Variants in PTPRD observed in about 807,000 individuals in gnomAD.
The protein encoded by PTPRD is protein tyrosine phosphatase receptor type D.
PTPRD carries 34 observed loss-of-function variants against 214.5 expected under a neutral mutation model. That is an observed-to-expected ratio of 0.16 (90% CI 0.12 to 0.21). The LOEUF (loss-of-function observed/expected upper bound fraction) is 0.21, where lower values mean the gene tolerates loss of function less well. PTPRD is among the 10% of genes least tolerant of loss of function. PTPRD has a pLI of 1.00. For synonymous variants in PTPRD, 1,128 were observed against 845.7 expected (o/e 1.33, Z -5.79); for missense variants, 2,545 against 2,398.7 (o/e 1.06, Z -1.27).
chr9:8,398,312 G>A (rs905443824), intron 36 of PTPRD, among the ~76,000 whole-genome samples: 1 of 152,108 alleles, frequency 6.6e-6, no homozygotes, highest in Non-Finnish European at 1.5e-5. Flanking sequence ...AGGAAAGCAA[G>A]GCTCAGCAAC....
At chr9:9,821,369 G>C (rs2050674679) in intron 5 of PTPRD, among the ~76,000 whole-genome samples, 1 of 152,134 alleles carries the variant, frequency 6.6e-6, no homozygotes, top group Admixed American at 6.5e-5. Context: ...TAGGGTGGAA[G>C]GGATTGTACA....
intron 21 of PTPRD, 55 bp downstream of exon 21, chr9:8,517,793 C>G (rs2097810876): frequency 6.8e-7 from 1 of 1,465,076 alleles, no homozygotes; most frequent in South Asian, 1.3e-5. Context: ...GTCCTTCTCA[C>G]CTCTTTGCAC....
intron 11 of PTPRD, among the ~76,000 whole-genome samples, chr9:8,978,727 G>A (rs183829378): frequency 6.6e-6 from 1 of 152,266 alleles, no homozygotes; most frequent in East Asian, 1.9e-4. Flanking sequence ...TTTGGAGGGA[G>A]AGACACAAGG....
At chr9:10,080,371 T>G (rs1032499692) in intron 3 of PTPRD, among the ~76,000 whole-genome samples, 10 of 152,134 alleles carry the variant, frequency 6.6e-5, no homozygotes, top group Non-Finnish European at 2.9e-5. Context: ...TAACACTGTA[T>G]GCAGAGTACA....
At position 8,602,771 on chromosome 9, in the gene PTPRD, T is replaced by C. The variant is rs116874443; in HGVS notation, c.352+30546A>G. ...ATGCAGTTACATAAATAAATGAATA[T>C]GGATGCATGTGCATATATATGCATT... On this transcript the variant is annotated intron_variant, in intron 14 of 45. Transcript: ENST00000381196. 2.2e-3 allele frequency among the ~76,000 whole-genome samples: 337 copies of C among 152,328 alleles called. 1 individual carries two copies. Among genetic ancestry groups the C allele is most frequent in the Non-Finnish European group, 4.3e-3 (292 of 68,030 alleles).
At chr9:9,341,974 A>AT (rs912271960) in intron 9 of PTPRD, among the ~76,000 whole-genome samples, 7 of 151,886 alleles carry the variant, frequency 4.6e-5, no homozygotes, top group African/African-American at 1.7e-4. Flanking sequence ...ATGCCCAGTT[A>AT]TTTTTTATAT....
At chr9:9,666,971 T>C (rs1334631633) in intron 7 of PTPRD, among the ~76,000 whole-genome samples, 1 of 152,060 alleles carries the variant, frequency 6.6e-6, no homozygotes, top group Non-Finnish European at 1.5e-5. Context: ...GTAACATTAT[T>C]AAAAATAGAC....
intron 3 of PTPRD, among the ~76,000 whole-genome samples, chr9:10,249,984 T>A (rs1055501534): frequency 8.5e-5 from 13 of 152,192 alleles, no homozygotes; most frequent in African/African-American, 3.1e-4. Context: ...GATTTTGATG[T>A]TAATGTACAA....
At position 9,912,321 on chromosome 9, in the gene PTPRD, A is replaced by G. The variant is rs78410992; in HGVS notation, c.-368+26186T>C. Reference sequence around the variant, plus strand: ...TTGGAATATACAAACTACAGCATACAAACTAAAACATTTGTCCAAAATTTA... The same window carrying G: ...TTGGAATATACAAACTACAGCATACGAACTAAAACATTTGTCCAAAATTTA... On this transcript the variant is annotated intron_variant, in intron 5 of 45. Coordinates refer to ENST00000381196, the MANE Select transcript of PTPRD (RefSeq NM_002839.4). Among the ~76,000 whole-genome samples the G allele has an allele frequency of 4.4e-3, 671 of 152,320 alleles. 22 individuals are homozygous for G. The highest frequency in any genetic ancestry group is 0.039 in the Admixed American group (591 of 15,300).
chr9:8,396,974 T>A (rs1390382962), intron 36 of PTPRD, among the ~76,000 whole-genome samples: 2 of 152,152 alleles, frequency 1.3e-5, no homozygotes, highest in Non-Finnish European at 2.9e-5. Context: ...ATGATTAAAC[T>A]TCATCACAGT....
Position 10,082,064 on chromosome 9 carries a change from G to A in PTPRD, c.-544-48274C>T, listed in dbSNP as rs182800757. ...ATATCAACAATAAATCTGTGTGTAG[G>A]TGACTTGGTTTGGAAGATGCAAATG... On this transcript the variant is annotated intron_variant, in intron 3 of 45. Transcript: ENST00000381196. 8.4e-4 allele frequency among the ~76,000 whole-genome samples: 128 copies of A among 152,092 alleles called. 1 individual carries two copies. The Middle Eastern group carries it at 0.02, about 24-fold the overall frequency.
At chr9:10,406,489 C>G (rs1056856261) in intron 2 of PTPRD, among the ~76,000 whole-genome samples, 3 of 151,490 alleles carry the variant, frequency 2.0e-5, no homozygotes, top group Non-Finnish European at 4.4e-5. Flanking sequence ...TGACAACATT[C>G]TGACTTTGGA....
At chr9:9,101,266 C>T (rs1308029638) in intron 10 of PTPRD, among the ~76,000 whole-genome samples, 1 of 151,892 alleles carries the variant, frequency 6.6e-6, no homozygotes, top group Non-Finnish European at 1.5e-5. Flanking sequence ...TTAATAGATG[C>T]TTAGGGATTC....
At chr9:8,719,286 T>G (rs73427580) in intron 12 of PTPRD, among the ~76,000 whole-genome samples, 5,206 of 152,298 alleles carry the variant, frequency 0.034, 268 homozygotes, top group African/African-American at 0.11. Flanking sequence ...AGCAATAACA[T>G]GCAAAGCTTT....
chr9:10,565,631 A>C (rs1301720857), intron 2 of PTPRD, among the ~76,000 whole-genome samples: 1 of 152,118 alleles, frequency 6.6e-6, no homozygotes, highest in Non-Finnish European at 1.5e-5. Flanking sequence ...AATGTATAAC[A>C]ACATCAGCAG....
At chr9:8,355,410 G>T (rs181546422) in intron 39 of PTPRD, among the ~76,000 whole-genome samples, 5 of 130,134 alleles carry the variant, frequency 3.8e-5, no homozygotes, top group African/African-American at 1.3e-4. Flanking sequence ...ATCTCTTTTA[G>T]AATATTTTGG....
chr9:8,840,229 C>T (rs891884739), intron 11 of PTPRD, among the ~76,000 whole-genome samples: 6 of 152,148 alleles, frequency 3.9e-5, no homozygotes, highest in African/African-American at 1.4e-4. Context: ...ATCTTGAATT[C>T]CACGTGTTGT....
chr9:8,471,047 C>T lies in PTPRD; in HGVS notation c.3452G>A (p.Arg1151His), dbSNP rs201751722. The change falls in exon 31 of 46, where the codon CGC (arginine) becomes CAC (histidine). Residue 1151 changes from arginine to histidine, a missense_variant. Physicochemically the swap from Arg to His is conservative, Grantham distance 29. Coordinates refer to ENST00000381196, the MANE Select transcript of PTPRD (RefSeq NM_002839.4). ...CTCCCATGGCTTGATAAATTTCCCG[C>T]GAGATTTCTTCAAAGGCACAATTAT... is the stretch of plus-strand genomic sequence containing the variant. ...YIIIVPLKKSRGKFIKPWESP... is the reference protein window; with the variant it reads ...YIIIVPLKKSHGKFIKPWESP... 8.4e-5 allele frequency: 135 copies of T among 1,613,366 alleles called. 1 individual carries two copies. The East Asian group carries it at 1.3e-3, about 16-fold the overall frequency.
chr9:9,676,791 T>A (rs1395869577), intron 7 of PTPRD, among the ~76,000 whole-genome samples: 1 of 152,082 alleles, frequency 6.6e-6, no homozygotes, highest in African/African-American at 2.4e-5. Flanking sequence ...GCACCTGTTG[T>A]TTCCTGACTT....
Sources: gnomAD v4.1 joint callset for allele counts (sites outside exome capture counted in the v4.1 genomes callset) on GRCh38, gnomAD v4.1.1 for gene constraint, MANE v1.5 for transcripts, NCBI Gene and HGNC (gene_info 2026-07-23, HGNC 2026-07-21) for gene names.